CFP: variants seen among roughly 807,000 people sequenced by gnomAD.
CFP encodes the protein properdin.
Under a neutral mutation model 42.1 loss-of-function variants are expected in CFP, and 14 were observed. The observed-to-expected ratio is 0.33, with a 90% confidence interval of 0.22 to 0.52. CFP has a LOEUF of 0.52. Ranked by LOEUF, CFP falls within the 20% of genes least tolerant of loss-of-function variation. CFP has a pLI of 0.96. For synonymous variants in CFP, 149 were observed against 160.6 expected (o/e 0.93, Z 0.54); for missense variants, 318 against 400.4 (o/e 0.79, Z 1.76).
intron 2 of CFP, chrX:47,628,706 A>G (rs1005900530): frequency 4.3e-5 from 12 of 279,093 alleles, no homozygotes; most frequent in African/African-American, 3.1e-4. Flanking sequence ...AACCCACTGC[A>G]TAGCCCTAGG....
rs2057976975 is a variant in CFP at position 47,628,172 on chromosome X, G to A, written c.333C>T (p.Cys111=). Residue 111 remains cysteine (C), a synonymous_variant, in exon 3 of 9, where the codon TGC becomes TGT. Transcript: ENST00000396992. The part of the protein sequence containing the change: ...YRRCVGWNGQ[C]SGKVAPGTLE... ...GGGTCCCAGGTGCCACCTTTCCAGA[G>A]CACTGCCCATTCCAGCCCACACAGC... 5.0e-6 allele frequency: 6 copies of A among 1,211,754 alleles called. No homozygotes were observed. The highest frequency in any genetic ancestry group is 6.7e-6 in the Non-Finnish European group (6 of 895,478).
chrX:47,629,949 A>C, upstream of CFP: 2 of 878,601 alleles, frequency 2.3e-6, no homozygotes, highest in Non-Finnish European at 3.3e-6. Flanking sequence ...AGGCAGGAGG[A>C]ACTGGGAGGG....
chrX:47,630,203 T>C (rs2057985813), upstream of CFP: 1 of 262,367 alleles, frequency 3.8e-6, no homozygotes, highest in Non-Finnish European at 6.8e-6. Context: ...TTAACACCCC[T>C]GAGCCTCAGT....
intron 8 of CFP, chrX:47,625,194 A>T (rs1181978088): frequency 9.0e-6 from 1 of 110,966 alleles, no homozygotes; most frequent in Non-Finnish European, 1.9e-5. Flanking sequence ...AGTTCTCTCA[A>T]TTGCTTCTTC....
chrX:47,624,066 C>T lies in CFP; in HGVS notation c.*209G>A, dbSNP rs2057958505. 2 of 443,758 alleles carry T rather than the reference C, an allele frequency of 4.5e-6. No homozygotes were observed. Among genetic ancestry groups the T allele is most frequent in the African/African-American group, 4.9e-5 (2 of 40,898 alleles). The allele number at this position is 443,758 out of a possible 1,213,427, so 36.6% of individuals were successfully genotyped here. On this transcript the variant is annotated 3_prime_UTR_variant, in exon 9 of 9. Coordinates refer to ENST00000396992, the MANE Select transcript of CFP (RefSeq NM_001145252.3). ...CACACTCGCTTTCACTCCTGCCAACCTGCGACCACAGTGGAAAATACTGTT... is the reference window on the plus strand; with the variant it reads ...CACACTCGCTTTCACTCCTGCCAACTTGCGACCACAGTGGAAAATACTGTT...
chrX:47,626,537 CAG>C lies in CFP; in HGVS notation c.941-20_941-19del, dbSNP rs1367034470. The C allele has an allele frequency of 8.3e-7, 1 of 1,209,030 alleles. No homozygotes were observed. The highest frequency in any genetic ancestry group is 1.1e-6 in the Non-Finnish European group (1 of 893,149). On this transcript the variant is annotated intron_variant, in intron 6 of 8. Transcript: ENST00000396992. Reference sequence around the variant, plus strand: ...CCCATCCACTGCAGAGACAGGGCAACAGGGGATTGGACCAAAGCAGGGAATCA... The same window carrying C: ...CCCATCCACTGCAGAGACAGGGCAACGGGATTGGACCAAAGCAGGGAATCA...
At chrX:47,627,733 C>G in intron 3 of CFP, 92 bp from the exon 4 acceptor site, 1 of 912,533 alleles carries the variant, frequency 1.1e-6, no homozygotes, top group South Asian at 2.5e-5. Context: ...CTAATCCTGT[C>G]CTTATATCCT....
chrX:47,624,812 T>C lies in CFP; in HGVS notation c.1245-372A>G, dbSNP rs908180686. On this transcript the variant is annotated intron_variant, in intron 8 of 8. Transcript: ENST00000396992. The stretch of plus-strand genomic sequence containing the variant: ...TCCCTCATCTGCAAAATGAGAATGG[T>C]AGGAATAGTAATATTAATACTCACC... 14 of 148,292 alleles carry C rather than the reference T, an allele frequency of 9.4e-5. No individual in the cohort carries two copies. In the East Asian group the frequency reaches 2.6e-3, roughly 27 times the overall value. 12.2% of individuals were successfully genotyped at this position (148,292 alleles called of 1,213,427 possible).
rs201094506 is a variant in CFP at position 47,629,487 on chromosome X, C to A, written c.227+37G>T. ...TGGGTGACCCCCACAGACAGTCCTT[C>A]CCTCCCCCCCATCCCCCACCCCAGG... is the stretch of plus-strand genomic sequence containing the variant. On this transcript the variant is annotated intron_variant, in intron 2 of 8. Transcript: ENST00000396992. The A allele has an allele frequency of 7.8e-4, 370 of 477,393 alleles. 7 individuals carry two copies. Among genetic ancestry groups the A allele is most frequent in the African/African-American group, 7.7e-3 (317 of 41,269 alleles). The allele number at this position is 477,393 out of a possible 1,213,427, so 39.3% of individuals were successfully genotyped here.
Position 47,627,534 on chromosome X carries a change from C to G in CFP, c.511G>C (p.Gly171Arg). The change falls in exon 4 of 9, where the codon GGG becomes CGG. Residue 171 changes from glycine to arginine, a missense_variant. Gly to Arg is a moderately radical substitution (Grantham distance 125, BLOSUM62 -2). Coordinates refer to ENST00000396992, the MANE Select transcript of CFP (RefSeq NM_001145252.3). The stretch of plus-strand genomic sequence containing the variant: ...TGTGCCTGTCCTGGGCAGTGGCCCC[C>G]ACACTTGGGAGCAGGGTGATTACAG... The part of the protein sequence containing the change: ...RACNHPAPKC[G>R]GHCPGQAQES... 8.3e-7 allele frequency: 1 copy of G among 1,210,871 alleles called. No homozygotes were observed. The highest frequency in any genetic ancestry group is 1.7e-5 in the African/African-American group (1 of 57,877).
rs1447973948 is a variant in CFP at position 47,626,754 on chromosome X, T to C, written c.940+19A>G. The C allele has an allele frequency of 2.5e-6, 3 of 1,194,206 alleles. No homozygotes were observed. The highest frequency in any genetic ancestry group is 3.4e-6 in the Non-Finnish European group (3 of 884,932). On this transcript the variant is annotated intron_variant, in intron 6 of 8. Transcript: ENST00000396992. Reference sequence around the variant, plus strand: ...AAGGGGGACTTAGGCATGCAAATCGTGAACCCTGAGATGCTGACCAGGGCA... The same window carrying C: ...AAGGGGGACTTAGGCATGCAAATCGCGAACCCTGAGATGCTGACCAGGGCA...
At position 47,627,601 on chromosome X, in the gene CFP, G is replaced by A. The variant is rs779608807; in HGVS notation, c.444C>T (p.Cys148=). 1.8e-5 allele frequency: 22 copies of A among 1,201,189 alleles called. No homozygotes were observed. The African/African-American group carries it at 3.3e-4, about 18-fold the overall frequency. Residue 148 remains cysteine, a synonymous_variant, in exon 4 of 9, where the codon TGC becomes TGT. Coordinates refer to ENST00000396992, the MANE Select transcript of CFP (RefSeq NM_001145252.3). The part of the protein sequence containing the change: ...GWSGWGPWEP[C]SVTCSKGTRT... ...GGGTCCCTTTGGAGCAGGTGACAGA[G>A]CAAGGCTCCCAGGGCCCCCAGCCAG...
At chrX:47,627,109 C>T (rs773974183) in intron 5 of CFP, 32 bp downstream of exon 5, 1 of 1,207,495 alleles carries the variant, frequency 8.3e-7, no homozygotes, top group Non-Finnish European at 1.1e-6. Context: ...AAGAGCCCCA[C>T]CAGCAACATC....
At chrX:47,624,484 G>A in intron 8 of CFP, 44 bp from the exon 9 acceptor site, 1 of 1,157,849 alleles carries the variant, frequency 8.6e-7, no homozygotes, top group Non-Finnish European at 1.2e-6. Flanking sequence ...AGAATCTCAG[G>A]GAAGGCAAGA....
rs1372790110 is a variant in CFP at position 47,627,130 on chromosome X, T to TCCTGGTGTA, written c.766+2_766+10dup. The TCCTGGTGTA allele has an allele frequency of 3.1e-5, 37 of 1,210,215 alleles. No individual in the cohort carries two copies. The highest frequency in any genetic ancestry group is 3.8e-5 in the Non-Finnish European group (34 of 894,771). ...CCCACCAGCAACATCAGCAGCCTCA[T>TCCTGGTGTA]CCTGGTGTACCTGGGCAGGGTGGCA... On this transcript the variant is annotated intron_variant, in intron 5 of 8. Coordinates refer to ENST00000396992, the MANE Select transcript of CFP (RefSeq NM_001145252.3).
rs892437024 is a variant in CFP at position 47,628,148 on chromosome X, G to T, written c.357C>A (p.Thr119=). ...CACAGGCCTGGAGCTGCCACTCCAG[G>T]GTCCCAGGTGCCACCTTTCCAGAGC... ...GQCSGKVAPG[T]LEWQLQACED... is the part of the protein sequence containing the mutation. Residue 119 remains threonine (T), a synonymous_variant, in exon 3 of 9, where the codon ACC becomes ACA. Transcript: ENST00000396992. The T allele has an allele frequency of 1.7e-6, 2 of 1,209,891 alleles. No homozygotes were observed. The highest frequency in any genetic ancestry group is 3.5e-5 in the African/African-American group (2 of 57,036).
upstream of CFP, chrX:47,630,009 C>T (rs2147938235): frequency 4.0e-6 from 2 of 503,115 alleles, no homozygotes; most frequent in South Asian, 2.9e-5. Flanking sequence ...CTCTACTCTC[C>T]CCTCCCCATT....
chrX:47,627,678 G>A (rs767667124), intron 3 of CFP, 37 bp from the exon 4 acceptor site: 66 of 1,145,234 alleles, frequency 5.8e-5, no homozygotes, highest in Non-Finnish European at 6.9e-5. Context: ...GATGGAGGTG[G>A]GGTGTCATTC....
chrX:47,629,942 CAGG>C (rs2057984845), upstream of CFP: 1 of 949,437 alleles, frequency 1.1e-6, no homozygotes, highest in African/African-American at 1.9e-5. Context: ...AACCTAGAGG[CAGG>C]AGGAACTGGG....
Sources: gnomAD v4.1 joint callset for allele counts on GRCh38, gnomAD v4.1.1 for gene constraint, MANE v1.5 for transcripts, NCBI Gene and HGNC (gene_info 2026-07-23, HGNC 2026-07-21) for gene names.